MGRN1: variants seen among roughly 807,000 people sequenced by gnomAD.
MGRN1 encodes the protein E3 ubiquitin-protein ligase MGRN1.
In MGRN1, 29 loss-of-function variants were observed where a neutral mutation model predicts 69.2. That is an observed-to-expected ratio of 0.42 (90% CI 0.31 to 0.57). The LOEUF (loss-of-function observed/expected upper bound fraction) is 0.57, where lower values mean the gene tolerates loss of function less well. Ranked by LOEUF, MGRN1 falls within the 20% of genes least tolerant of loss-of-function variation. The pLI is 0.15. For synonymous variants in MGRN1, 470 were observed against 344.2 expected (o/e 1.37, Z -4.04); for missense variants, 998 against 796.2 (o/e 1.25, Z -3.05).
At position 4,624,925 on chromosome 16, in the gene MGRN1, C is replaced by T. The variant is rs1446710439; in HGVS notation, c.-36C>T. 2.7e-6 allele frequency: 4 copies of T among 1,497,388 alleles called. No individual in the cohort carries two copies. In the South Asian group the frequency reaches 3.8e-5, roughly 14 times the overall value. 92.8% of individuals were successfully genotyped at this position (1,497,388 alleles called of 1,614,324 possible). A position where few individuals can be genotyped will look rare whatever the true frequency, so the allele number is the denominator to read the frequency against. On this transcript the variant is annotated 5_prime_UTR_variant, in exon 1 of 17. Transcript: ENST00000262370. ...CCCGCCGCTGTCGCCGCTCCCGTTC[C>T]GGCCCTGGCCCCTCTGCCCGGCAGC...
At chr16:4,687,558 C>G in intron 16 of MGRN1, 4 of 807,724 alleles carry the variant, frequency 5.0e-6, no homozygotes, top group Non-Finnish European at 4.4e-6. Context: ...GCCTGAGACC[C>G]TGTCTCAAGA....
chr16:4,629,436 G>C (rs1392091484), intron 1 of MGRN1, among the ~76,000 whole-genome samples: 1 of 152,012 alleles, frequency 6.6e-6, no homozygotes, highest in Non-Finnish European at 1.5e-5. Flanking sequence ...ACTGCTTTTG[G>C]AGTTATGTTT....
In MGRN1 at chr16:4,665,280, G is replaced by A. The variant is rs1372350629; in HGVS notation, c.678+129G>A. On this transcript the variant is annotated intron_variant, in intron 7 of 16. Transcript: ENST00000262370. ...GCTGAGTGTCAAGGGCCCCGGGGCA[G>A]GTTGGGGCGTGTCTGTGGCTTCCTG... 2.4e-5 allele frequency: 22 copies of A among 934,802 alleles called. No individual in the cohort carries two copies. In the East Asian group the frequency reaches 5.2e-4, roughly 22 times the overall value. The allele number at this position is 934,802 out of a possible 1,614,324, so 57.9% of individuals were successfully genotyped here.
chr16:4,677,362 C>A lies in MGRN1; in HGVS notation c.956-101C>A, dbSNP rs1034661577. On this transcript the variant is annotated intron_variant, in intron 10 of 16. Coordinates refer to ENST00000262370, the MANE Select transcript of MGRN1 (RefSeq NM_015246.4). ...ATCTGGAAGCGGGGTCACCCCAGGA[C>A]CCCTATGGTGTGGGGGGGGTGTTGA... 11 of 852,470 alleles carry A rather than the reference C, an allele frequency of 1.3e-5. No homozygotes were observed. In the East Asian group the frequency reaches 2.1e-4, roughly 17 times the overall value. 52.8% of individuals were successfully genotyped at this position (852,470 alleles called of 1,614,324 possible). A position where few individuals can be genotyped will look rare whatever the true frequency, so the allele number is the denominator to read the frequency against.
chr16:4,666,848 C>A (rs147796669), intron 7 of MGRN1, among the ~76,000 whole-genome samples: 5 of 152,190 alleles, frequency 3.3e-5, no homozygotes, highest in Admixed American at 1.3e-4. Flanking sequence ...GTCTTGGCAT[C>A]CCCAGAGCTG....
In MGRN1 at chr16:4,652,546, C is replaced by T. The variant is rs189551450; in HGVS notation, c.297-132C>T. The T allele has an allele frequency of 5.1e-6, 6 of 1,176,950 alleles. No homozygotes were observed. In the East Asian group the frequency reaches 1.6e-4, roughly 32 times the overall value. 72.9% of individuals were successfully genotyped at this position (1,176,950 alleles called of 1,614,324 possible). ...CTTTCATGTACAAATAGGAAACAGC[C>T]CCTATGTCTACTGGAGAAGCGGGCT... On this transcript the variant is annotated intron_variant, in intron 3 of 16. Coordinates refer to ENST00000262370, the MANE Select transcript of MGRN1 (RefSeq NM_015246.4).
intron 16 of MGRN1, chr16:4,686,159 C>T: frequency 1.4e-6 from 2 of 1,386,716 alleles, no homozygotes; most frequent in Non-Finnish European, 2.0e-6. Context: ...TTCTAGACGG[C>T]CTCGACCGTG....
rs778024438 is a variant in MGRN1 at position 4,688,843 on chromosome 16, C to T, written c.1666C>T (p.Pro556Ser). Residue 556 changes from proline (P) to serine (S), a missense_variant, in exon 17 of 17, where the codon CCC becomes TCC. Transcript: ENST00000262370. The stretch of plus-strand genomic sequence containing the variant: ...GGCCCACGGCCTCGCCACCACCAGC[C>T]CCACCTGGCCTCCACTTGGTGGCCC... The part of the protein sequence containing the change: ...ETAHGLATTS[P>S]TWPPLGGPSP... 1.1e-4 allele frequency: 166 copies of T among 1,555,072 alleles called. 1 individual carries two copies. The East Asian group carries it at 1.3e-3, about 12-fold the overall frequency.
chr16:4,657,934 G>A (rs1157387211), intron 5 of MGRN1, among the ~76,000 whole-genome samples: 1 of 151,186 alleles, frequency 6.6e-6, no homozygotes, highest in Non-Finnish European at 1.5e-5. Flanking sequence ...AGTAGAGACG[G>A]GGTTTCACCG....
intron 1 of MGRN1, among the ~76,000 whole-genome samples, chr16:4,648,734 G>T (rs868293977): frequency 8.4e-6 from 1 of 118,468 alleles, no homozygotes; most frequent in Non-Finnish European, 1.7e-5. Context: ...TCCTCCTCTC[G>T]GGGACTCTTC....
intron 9 of MGRN1, chr16:4,672,303 T>A (rs930249074): frequency 8.8e-6 from 4 of 455,968 alleles, no homozygotes; most frequent in African/African-American, 8.0e-5. Context: ...TGCCTCAGCC[T>A]CCCAAAGTGC....
chr16:4,672,666 G>T (rs1319685974), intron 9 of MGRN1: 1 of 330,392 alleles, frequency 3.0e-6, no homozygotes, highest in Non-Finnish European at 6.0e-6. Flanking sequence ...GTATAAAAAT[G>T]AGTGGGTGTG....
intron 15 of MGRN1, 107 bp downstream of exon 15, chr16:4,683,376 C>T: frequency 7.4e-7 from 1 of 1,358,270 alleles, no homozygotes; most frequent in South Asian, 1.2e-5. Flanking sequence ...CTCTTCTGCC[C>T]CAGGAACCCT....
At chr16:4,652,906 G>A in intron 4 of MGRN1, 82 bp downstream of exon 4, 1 of 1,443,964 alleles carries the variant, frequency 6.9e-7, no homozygotes, top group Non-Finnish European at 9.2e-7. Flanking sequence ...TTACTAACCA[G>A]AGGGAGAAAA....
chr16:4,627,785 G>A (rs942813249), intron 1 of MGRN1, among the ~76,000 whole-genome samples: 4 of 140,132 alleles, frequency 2.9e-5, no homozygotes, highest in Admixed American at 1.5e-4. Flanking sequence ...GCGAGACTCC[G>A]TCTCAAAAAA....
At chr16:4,631,281 AT>A (rs1291541135) in intron 1 of MGRN1, among the ~76,000 whole-genome samples, 2 of 152,174 alleles carry the variant, frequency 1.3e-5, no homozygotes, top group Non-Finnish European at 2.9e-5. Flanking sequence ...TAAGCCAGGC[AT>A]TGTGGCTGGA....
chr16:4,667,850 C>G (rs1349927011), intron 7 of MGRN1, among the ~76,000 whole-genome samples: 1 of 152,104 alleles, frequency 6.6e-6, no homozygotes, highest in Non-Finnish European at 1.5e-5. Flanking sequence ...TCTAACTCAG[C>G]CGGGCCTGGG....
chr16:4,653,686 C>T (rs779695241), intron 4 of MGRN1, among the ~76,000 whole-genome samples: 1 of 151,156 alleles, frequency 6.6e-6, no homozygotes, highest in African/African-American at 2.4e-5. Context: ...ATGGGGGTTT[C>T]GCCATGTTGG....
chr16:4,644,339 C>G (rs905386369), intron 1 of MGRN1, among the ~76,000 whole-genome samples: 11 of 129,716 alleles, frequency 8.5e-5, no homozygotes, highest in African/African-American at 3.0e-4. Flanking sequence ...TGGAGTTTCA[C>G]TCTTGTTGTC....
Sources: gnomAD v4.1 joint callset for allele counts (sites outside exome capture counted in the v4.1 genomes callset) on GRCh38, gnomAD v4.1.1 for gene constraint, MANE v1.5 for transcripts, NCBI Gene and HGNC (gene_info 2026-07-23, HGNC 2026-07-21) for gene names.